Variants in OXR1 observed in about 807,000 individuals in gnomAD.
OXR1 encodes the protein oxidation resistance protein 1.
Under a neutral mutation model 104.6 loss-of-function variants are expected in OXR1, and 41 were observed. The observed-to-expected ratio is 0.39, with a 90% confidence interval of 0.31 to 0.51. OXR1 has a LOEUF of 0.51. Ranked by LOEUF, OXR1 falls within the 20% of genes least tolerant of loss-of-function variation. The probability of loss-of-function intolerance (pLI) is 0.77; values close to 1 mark genes in which losing one functional copy is unlikely to be tolerated. For synonymous variants in OXR1, 348 were observed against 348.4 expected, an observed-to-expected ratio of 1.00 and a Z score of 0.01; for missense variants, 955 against 1,031.9, an observed-to-expected ratio of 0.93 and a Z score of 1.02.
Position 106,706,863 on chromosome 8 carries a change from G to T in OXR1, c.1342G>T (p.Asp448Tyr). ...EDSTSIKGNSDQDSFLHENSL... is the reference protein window; with the variant it reads ...EDSTSIKGNSYQDSFLHENSL... ...CAGCACAAGTATAAAAGGTAATTCAGACCAGGATTCTTTTCTTCATGAGAA... is the reference window on the plus strand; with the variant it reads ...CAGCACAAGTATAAAAGGTAATTCATACCAGGATTCTTTTCTTCATGAGAA... The change falls in exon 9 of 17, where the codon GAC (aspartate) becomes TAC (tyrosine). Residue 448 changes from aspartate to tyrosine, a missense_variant. By Grantham distance (160) the Asp-to-Tyr change is radical (BLOSUM62 -3). Coordinates refer to ENST00000517566, the MANE Select transcript of OXR1 (RefSeq NM_001198533.2). 1 of 1,611,760 alleles carries T rather than the reference G, an allele frequency of 6.2e-7. No homozygotes were observed. Among genetic ancestry groups the T allele is most frequent in the South Asian group, 1.1e-5 (1 of 90,398 alleles).
chr8:106,590,376 C>T (rs1784727685), intron 3 of OXR1, among the ~76,000 whole-genome samples: 1 of 152,216 alleles, frequency 6.6e-6, no homozygotes, highest in African/African-American at 2.4e-5. Context: ...CAATCTCTGC[C>T]TCCTGGGTTC....
At chr8:106,422,248 A>C (rs1818934703) in intron 2 of OXR1, among the ~76,000 whole-genome samples, 2 of 152,304 alleles carry the variant, frequency 1.3e-5, no homozygotes, top group South Asian at 4.1e-4. Flanking sequence ...TCTGTAAGTC[A>C]GCTAAAGAAT....
intron 3 of OXR1, among the ~76,000 whole-genome samples, chr8:106,535,258 C>G (rs1175092791): frequency 6.6e-6 from 1 of 152,154 alleles, no homozygotes; most frequent in Non-Finnish European, 1.5e-5. Context: ...GGCTGGCTCC[C>G]CCTTCCCCAG....
Position 106,692,883 on chromosome 8 carries a change from G to C in OXR1, c.675+6G>C. The stretch of plus-strand genomic sequence containing the variant: ...AATATATTACCAGTGGCAAGGTAAA[G>C]AATGACACTTTAGAGAAGACCTTTA... On this transcript the variant is annotated splice_donor_region_variant and intron_variant, in intron 7 of 16. Transcript: ENST00000517566. The C allele has an allele frequency of 6.3e-7, 1 of 1,581,592 alleles. No homozygotes were observed.
intron 3 of OXR1, among the ~76,000 whole-genome samples, chr8:106,640,444 T>C (rs917567703): frequency 6.6e-6 from 1 of 151,828 alleles, no homozygotes; most frequent in African/African-American, 2.4e-5. Context: ...TTTCCCCTTA[T>C]AATGCAGATA....
At chr8:106,490,980 C>G (rs1413108512) in intron 2 of OXR1, among the ~76,000 whole-genome samples, 2 of 152,170 alleles carry the variant, frequency 1.3e-5, no homozygotes, top group Non-Finnish European at 2.9e-5. Flanking sequence ...TGATAGTGCT[C>G]AGCCCCTTCG....
chr8:106,712,233 A>T (rs1442659278), intron 10 of OXR1, among the ~76,000 whole-genome samples: 1 of 152,122 alleles, frequency 6.6e-6, no homozygotes, highest in East Asian at 1.9e-4. Flanking sequence ...TTTAGTGATC[A>T]TCAGTGGACA....
chr8:106,511,435 A>C (rs1812517366), intron 2 of OXR1, among the ~76,000 whole-genome samples: 1 of 152,150 alleles, frequency 6.6e-6, no homozygotes, highest in Non-Finnish European at 1.5e-5. Context: ...AGATGTGCAA[A>C]CCACAGATGG....
intron 1 of OXR1, among the ~76,000 whole-genome samples, chr8:106,273,168 T>G (rs1327329625): frequency 6.6e-6 from 1 of 151,970 alleles, no homozygotes; most frequent in Admixed American, 6.6e-5. Context: ...TTCTGGAGGA[T>G]TGTTCCCTAA....
intron 3 of OXR1, among the ~76,000 whole-genome samples, chr8:106,532,354 C>G (rs144985780): frequency 6.6e-6 from 1 of 152,298 alleles, no homozygotes; most frequent in Non-Finnish European, 1.5e-5. Flanking sequence ...GAATTACATA[C>G]AATTGGATTT....
intron 3 of OXR1, among the ~76,000 whole-genome samples, chr8:106,595,550 CAAAAAAA>C (rs67790797): frequency 6.6e-5 from 4 of 60,744 alleles, no homozygotes; most frequent in Middle Eastern, 0.011. Context: ...AACTCCGTCT[CAAAAAAA>C]AAAAAAAAAA....
intron 3 of OXR1, among the ~76,000 whole-genome samples, chr8:106,532,368 T>C (rs2130248961): frequency 6.6e-6 from 1 of 152,332 alleles, no homozygotes; most frequent in South Asian, 2.1e-4. Context: ...TGGATTTGGA[T>C]CCTACCTCTG....
At chr8:106,583,347 C>T (rs1818392096) in intron 3 of OXR1, among the ~76,000 whole-genome samples, 1 of 152,098 alleles carries the variant, frequency 6.6e-6, no homozygotes, top group African/African-American at 2.4e-5. Context: ...ATAGGACAAA[C>T]TTAAAGTGTA....
At chr8:106,326,691 CCAG>C (rs745753523) in intron 1 of OXR1, among the ~76,000 whole-genome samples, 1 of 152,048 alleles carries the variant, frequency 6.6e-6, no homozygotes, top group Non-Finnish European at 1.5e-5. Flanking sequence ...GGCAGAGGGA[CCAG>C]CCAGTGCAAG....
chr8:106,309,117 C>T (rs1305348709), intron 1 of OXR1, among the ~76,000 whole-genome samples: 1 of 151,864 alleles, frequency 6.6e-6, no homozygotes, highest in African/African-American at 2.4e-5. Flanking sequence ...TAGCTAGGAA[C>T]AAGGTGTGTA....
chr8:106,279,033 C>G (rs1812174703), intron 1 of OXR1, among the ~76,000 whole-genome samples: 1 of 152,100 alleles, frequency 6.6e-6, no homozygotes, highest in Non-Finnish European at 1.5e-5. Context: ...ACCAGACTTT[C>G]ATTTTCTGTT....
intron 2 of OXR1, among the ~76,000 whole-genome samples, chr8:106,365,629 T>C (rs1240589050): frequency 6.6e-6 from 1 of 152,182 alleles, no homozygotes; most frequent in East Asian, 1.9e-4. Flanking sequence ...AGTAAAATGA[T>C]TAATACTATT....
intron 1 of OXR1, among the ~76,000 whole-genome samples, chr8:106,288,397 G>T (rs912894435): frequency 6.6e-6 from 1 of 152,148 alleles, no homozygotes; most frequent in Non-Finnish European, 1.5e-5. Context: ...CAACATCAGG[G>T]CAACAAAAGT....
At chr8:106,273,067 T>C (rs938743449) in intron 1 of OXR1, among the ~76,000 whole-genome samples, 2 of 152,254 alleles carry the variant, frequency 1.3e-5, no homozygotes, top group Admixed American at 1.3e-4. Flanking sequence ...AGAGAATCTT[T>C]TACTCCCGAT....
Sources: allele counts gnomAD v4.1 joint callset (sites outside exome capture counted in the v4.1 genomes callset), GRCh38; gene constraint gnomAD v4.1.1; transcripts MANE v1.5; gene names NCBI Gene and HGNC (gene_info 2026-07-23, HGNC 2026-07-21).